TENM3: variants seen among roughly 807,000 people sequenced by gnomAD.
TENM3 encodes the protein teneurin-3.
TENM3 carries 63 observed loss-of-function variants against 255.1 expected under a neutral mutation model. The ratio of observed to expected loss-of-function variants is 0.25; its 90% CI spans 0.20 to 0.30. The LOEUF (loss-of-function observed/expected upper bound fraction) is 0.30. Ranked by LOEUF, TENM3 falls within the 10% of genes least tolerant of loss-of-function variation. The pLI is 1.00. For missense variants in TENM3, 2,929 were observed against 3,461.1 expected, an observed-to-expected ratio of 0.85 and a Z score of 3.86; for synonymous variants, 1,306 against 1,322.3, an observed-to-expected ratio of 0.99 and a Z score of 0.27.
chr4:181,527,382 G>GTTTT, the TENM3 span, among the ~76,000 whole-genome samples: 2 of 151,974 alleles, frequency 1.3e-5, no homozygotes, highest in Non-Finnish European at 2.9e-5. Flanking sequence ...GTTTTGTTTT[G>GTTTT]TTTTGAGACA....
At chr4:181,871,374 C>T in the TENM3 span, among the ~76,000 whole-genome samples, 3 of 152,002 alleles carry the variant, frequency 2.0e-5, no homozygotes, top group Admixed American at 2.0e-4. Context: ...TCTTCCAATC[C>T]ATGAATATGG....
In TENM3 at chr4:182,396,790, C is replaced by T. The variant is rs564420656; in HGVS notation, c.511+49861C>T. ...CAGCCTGGCCAACATGGTGAAACCC[C>T]GTCTCTACTAAAAATACAAAAATTA... is the stretch of plus-strand genomic sequence containing the variant. On this transcript the variant is annotated intron_variant, in intron 3 of 27. Coordinates refer to ENST00000511685, the MANE Select transcript of TENM3 (RefSeq NM_001080477.4). Among the ~76,000 whole-genome samples the T allele has an allele frequency of 4.2e-3, 642 of 151,838 alleles. 8 individuals are homozygous for T. The highest frequency in any genetic ancestry group is 0.015 in the African/African-American group (613 of 41,410).
chr4:182,760,162 A>G (rs138997111), intron 22 of TENM3, among the ~76,000 whole-genome samples: 208 of 152,318 alleles, frequency 1.4e-3, no homozygotes, highest in African/African-American at 4.7e-3. Flanking sequence ...CTGTGTCTTC[A>G]GTGAGTATTA....
chr4:182,324,960 A>G (rs1368808263), intron 2 of TENM3, among the ~76,000 whole-genome samples: 1 of 151,868 alleles, frequency 6.6e-6, no homozygotes, highest in African/African-American at 2.4e-5. Context: ...ACTCTCCTAA[A>G]CCTACCCATT....
intron 3 of TENM3, among the ~76,000 whole-genome samples, chr4:182,365,992 T>C (rs1766407265): frequency 6.6e-6 from 1 of 152,158 alleles, no homozygotes; most frequent in Admixed American, 6.5e-5. Context: ...TATAATCTTA[T>C]GGGGCTACTG....
At chr4:182,389,875 C>T (rs28503258) in intron 3 of TENM3, among the ~76,000 whole-genome samples, 10,289 of 152,018 alleles carry the variant, frequency 0.068, 1,123 homozygotes, top group African/African-American at 0.23. Context: ...TTAGTAGAGA[C>T]AGGGTTTCAC....
chr4:182,246,345 G>GCC (rs142338490), intron 1 of TENM3, among the ~76,000 whole-genome samples: 4,248 of 149,544 alleles, frequency 0.028, 79 homozygotes, highest in Non-Finnish European at 0.039. Context: ...TTCGCTATGA[G>GCC]CCCCCACCCC....
At chr4:182,070,554 A>T in the TENM3 span, among the ~76,000 whole-genome samples, 108,377 of 151,980 alleles carry the variant, frequency 0.71, 39,382 homozygotes, top group East Asian at 0.87. Context: ...GAGGTGGAGG[A>T]TGCAGTGAGC....
chr4:182,468,806 A>T (rs1478290762), intron 3 of TENM3, among the ~76,000 whole-genome samples: 1 of 143,630 alleles, frequency 7.0e-6, no homozygotes, highest in East Asian at 2.0e-4. Context: ...AATTGAAAAT[A>T]AAAAAAATCC....
intron 3 of TENM3, among the ~76,000 whole-genome samples, chr4:182,562,056 T>A (rs970823506): frequency 1.3e-5 from 2 of 151,404 alleles, no homozygotes; most frequent in African/African-American, 4.9e-5. Flanking sequence ...TTGAAAAAAA[T>A]ACCTATGTTC....
chr4:181,782,254 C>CG, the TENM3 span, among the ~76,000 whole-genome samples: 2 of 151,868 alleles, frequency 1.3e-5, no homozygotes, highest in Non-Finnish European at 2.9e-5. Context: ...TGGCCCTGGA[C>CG]TTTTTTTGGT....
intron 1 of TENM3, among the ~76,000 whole-genome samples, chr4:182,203,950 T>C (rs1332613278): frequency 6.6e-6 from 1 of 152,192 alleles, no homozygotes; most frequent in African/African-American, 2.4e-5. Context: ...GAAGTTAATT[T>C]CATCCAAGAT....
At chr4:181,886,657 CATT>C in the TENM3 span, among the ~76,000 whole-genome samples, 324 of 152,236 alleles carry the variant, frequency 2.1e-3, 11 homozygotes, top group East Asian at 0.054. Flanking sequence ...ACATTACCAT[CATT>C]AAGAAAAATC....
At chr4:182,378,999 TG>T (rs1767383156) in intron 3 of TENM3, among the ~76,000 whole-genome samples, 1 of 152,024 alleles carries the variant, frequency 6.6e-6, no homozygotes, top group African/African-American at 2.4e-5. Flanking sequence ...GCACAGGCAT[TG>T]GGTAGTTCTA....
At chr4:182,194,716 C>CA (rs1753731856) in intron 1 of TENM3, among the ~76,000 whole-genome samples, 2 of 152,074 alleles carry the variant, frequency 1.3e-5, no homozygotes, top group African/African-American at 4.8e-5. Flanking sequence ...TGATGGGAGA[C>CA]AAGTGAAGTT....
At chr4:181,780,735 G>A in the TENM3 span, among the ~76,000 whole-genome samples, 2 of 152,136 alleles carry the variant, frequency 1.3e-5, no homozygotes, top group South Asian at 2.1e-4. Context: ...GAATGGTATT[G>A]CTTAGGTTTT....
the TENM3 span, among the ~76,000 whole-genome samples, chr4:181,774,941 C>T: frequency 9.2e-3 from 1,360 of 148,602 alleles, 32 homozygotes; most frequent in Non-Finnish European, 0.015. Flanking sequence ...GAGTAGGTTG[C>T]GAAAATTTTC....
chr4:181,843,555 AT>A, the TENM3 span, among the ~76,000 whole-genome samples: 2 of 152,108 alleles, frequency 1.3e-5, no homozygotes, highest in African/African-American at 4.8e-5. Flanking sequence ...TTTTTATGAA[AT>A]TTACAGAAGA....
At chr4:182,460,838 C>G (rs940296939) in intron 3 of TENM3, among the ~76,000 whole-genome samples, 1 of 152,012 alleles carries the variant, frequency 6.6e-6, no homozygotes, top group Non-Finnish European at 1.5e-5. Context: ...AAATGTTTTT[C>G]TATAAAATAA....
Sources: allele counts gnomAD v4.1 joint callset (sites outside exome capture counted in the v4.1 genomes callset), GRCh38; gene constraint gnomAD v4.1.1; transcripts MANE v1.5; gene names NCBI Gene and HGNC (gene_info 2026-07-23, HGNC 2026-07-21).